Variants in ANAPC2 observed in about 807,000 individuals in gnomAD.
ANAPC2 encodes the protein anaphase promoting complex subunit 2, also known as anaphase-promoting complex subunit 2.
A neutral mutation model predicts 84.3 loss-of-function variants in ANAPC2; 29 were observed. That is an observed-to-expected ratio of 0.34 (90% CI 0.26 to 0.47). ANAPC2 has a LOEUF of 0.47. Ranked by LOEUF, ANAPC2 falls within the 20% of genes least tolerant of loss-of-function variation. ANAPC2 has a pLI of 1.00. For synonymous variants in ANAPC2, 571 were observed against 479.4 expected (o/e 1.19, Z -2.50); for missense variants, 857 against 1,131.7 (o/e 0.76, Z 3.48).
At position 137,183,311 on chromosome 9, in the gene ANAPC2, A is replaced by G. The variant is rs1044709348; in HGVS notation, c.1169-69T>C. ...CACAGCCTCCCAGGGGCAACACCCG[A>G]GTAGACAGCTGGCCATGCCGGTAGG... On this transcript the variant is annotated intron_variant, in intron 5 of 12. Transcript: ENST00000323927. The G allele has an allele frequency of 6.9e-6, 9 of 1,312,652 alleles. No homozygotes were observed. The Admixed American group carries it at 8.7e-5, about 13-fold the overall frequency. The allele number at this position is 1,312,652 out of a possible 1,614,324, so 81.3% of individuals were successfully genotyped here. A position where few individuals can be genotyped will look rare whatever the true frequency, so the allele number is the denominator to read the frequency against.
At chr9:137,185,750 G>A (rs563301683) in intron 3 of ANAPC2, among the ~76,000 whole-genome samples, 1 of 152,302 alleles carries the variant, frequency 6.6e-6, no homozygotes, top group East Asian at 1.9e-4. Flanking sequence ...GGAGCCCAGA[G>A]CAGAGCCCCA....
chr9:137,184,944 C>T lies in ANAPC2; in HGVS notation c.1017G>A (p.Leu339=). ...QRFFYRIYAS[L]RIEELFSIVR... ...CGATGCTGAAGAGCTCCTCGATGCG[C>T]AGGCTGGCGTAGATGCGGTAGAAGA... Residue 339 remains leucine (L), a synonymous_variant, in exon 4 of 13, where the codon CTG becomes CTA. Transcript: ENST00000323927. The T allele has an allele frequency of 6.2e-7, 1 of 1,612,740 alleles. No individual in the cohort carries two copies. Among genetic ancestry groups the T allele is most frequent in the South Asian group, 1.1e-5 (1 of 91,028 alleles).
intron 6 of ANAPC2, among the ~76,000 whole-genome samples, 198 bp from the exon 7 acceptor site, chr9:137,182,060 G>A (rs1156517278): frequency 6.6e-6 from 1 of 152,224 alleles, no homozygotes; most frequent in Non-Finnish European, 1.5e-5. Context: ...GGGAGCAGCA[G>A]GAGCTGCGAG....
intron 2 of ANAPC2, 134 bp downstream of exon 2, chr9:137,187,347 C>T: frequency 8.4e-7 from 1 of 1,188,830 alleles, no homozygotes; most frequent in Non-Finnish European, 1.2e-6. Flanking sequence ...CACAGGAATC[C>T]CTGGGACTCT....
intron 1 of ANAPC2, 26 bp from the exon 2 acceptor site, chr9:137,188,129 A>G (rs1277537196): frequency 1.2e-6 from 2 of 1,600,968 alleles, no homozygotes; most frequent in Admixed American, 1.7e-5. Context: ...CCGTGAGGCG[A>G]GGGGAACACA....
intron 1 of ANAPC2, 33 bp downstream of exon 1, chr9:137,188,383 G>C: frequency 1.3e-6 from 2 of 1,587,632 alleles, no homozygotes; most frequent in Non-Finnish European, 1.7e-6. Context: ...CGGAAACTCC[G>C]CGCGGGGCCG....
intron 6 of ANAPC2, 68 bp downstream of exon 6, chr9:137,183,057 C>G (rs1318510844): frequency 3.7e-6 from 5 of 1,354,430 alleles, no homozygotes; most frequent in Admixed American, 1.8e-5. Context: ...GGCTGCCCCC[C>G]AGGACCACGA....
chr9:137,178,104 G>A (rs371425730), intron 10 of ANAPC2, among the ~76,000 whole-genome samples: 76 of 152,356 alleles, frequency 5.0e-4, no homozygotes, highest in South Asian at 2.9e-3. Context: ...GTCCTTCCAG[G>A]ATCCGGCAGC....
At position 137,175,267 on chromosome 9, in the gene ANAPC2, G is replaced by C. The variant is rs998998041; in HGVS notation, c.2226C>G (p.Ser742=). The C allele has an allele frequency of 6.2e-7, 1 of 1,612,472 alleles. No homozygotes were observed. Among genetic ancestry groups the C allele is most frequent in the Non-Finnish European group, 8.5e-7 (1 of 1,179,840 alleles). ...SDDESDSGMA[S]QADQKEEELL... is the part of the protein sequence containing the mutation. ...GCTCCTCCTCCTTCTGGTCGGCCTG[G>C]GAGGCCATGCCGGAGTCGCTCTCGT... Residue 742 remains serine, a synonymous_variant, in exon 12 of 13, where the codon TCC becomes TCG. Coordinates refer to ENST00000323927, the MANE Select transcript of ANAPC2 (RefSeq NM_013366.4).
chr9:137,175,082 G>A lies in ANAPC2; in HGVS notation c.2329C>T (p.Leu777Phe), dbSNP rs1208328876. The A allele has an allele frequency of 2.5e-6, 4 of 1,608,364 alleles. No individual in the cohort carries two copies. Among genetic ancestry groups the A allele is most frequent in the Admixed American group, 1.7e-5 (1 of 59,474 alleles). Residue 777 changes from leucine to phenylalanine, a missense_variant, in exon 13 of 13, where the codon CTC (leucine) becomes TTC (phenylalanine). By Grantham distance (22) the Leu-to-Phe change is conservative. This residue lies in a region of ANAPC2 where 425 missense variants were observed against 595.5 expected (regional missense o/e 0.71). Transcript: ENST00000323927. ...SLSLDRIYNM[L>F]RMFVVTGPAL... ...GGCCCAGTCACCACAAACATGCGGAGCATGTTGTAGATACGATCCAGTGAG... is the reference window on the plus strand; with the variant it reads ...GGCCCAGTCACCACAAACATGCGGAACATGTTGTAGATACGATCCAGTGAG...
chr9:137,181,932 G>C (rs1232108249), intron 6 of ANAPC2, 70 bp from the exon 7 acceptor site: 6 of 1,512,806 alleles, frequency 4.0e-6, no homozygotes, highest in Admixed American at 1.8e-5. Context: ...ACTCATTCCA[G>C]TCCCGGCCCC....
In ANAPC2 at chr9:137,186,365, G is replaced by A. The variant is rs745808821; in HGVS notation, c.741-9C>T. On this transcript the variant is annotated splice_polypyrimidine_tract_variant and intron_variant, in intron 2 of 12. Transcript: ENST00000323927. ...GCAGACTGAGCCTGTGTCTAGAGGA[G>A]AGCCCTGGCCATGGGGCACCCAGAG... 3.1e-6 allele frequency: 5 copies of A among 1,594,254 alleles called. No individual in the cohort carries two copies. Among genetic ancestry groups the A allele is most frequent in the African/African-American group, 2.7e-5 (2 of 74,418 alleles).
chr9:137,188,549 C>T lies in ANAPC2; in HGVS notation c.-17G>A. The T allele has an allele frequency of 1.3e-6, 2 of 1,598,894 alleles. No homozygotes were observed. The highest frequency in any genetic ancestry group is 1.7e-6 in the Non-Finnish European group (2 of 1,175,584). On this transcript the variant is annotated 5_prime_UTR_variant, in exon 1 of 13. Coordinates refer to ENST00000323927, the MANE Select transcript of ANAPC2 (RefSeq NM_013366.4). ...CGCCGCCATCTGCACCCACCGACTC[C>T]GAGATTCGCTCGGCGCGGCGCGCGG...
chr9:137,176,495 A>G (rs2131329529), intron 10 of ANAPC2: 1 of 152,460 alleles, frequency 6.6e-6, no homozygotes, highest in African/African-American at 2.4e-5. Context: ...GCCAAAACCT[A>G]ACACCAAGAA....
intron 7 of ANAPC2, 61 bp downstream of exon 7, chr9:137,181,620 C>A (rs376778830): frequency 2.5e-5 from 37 of 1,485,726 alleles, no homozygotes; most frequent in Non-Finnish European, 3.3e-5. Flanking sequence ...GAGTCCAGAG[C>A]GGACGGCCTG....
intron 10 of ANAPC2, among the ~76,000 whole-genome samples, chr9:137,178,539 G>C (rs1414994333): frequency 2.0e-5 from 3 of 152,188 alleles, no homozygotes; most frequent in African/African-American, 7.2e-5. Flanking sequence ...GAGGCAGCCA[G>C]AGGGGCAGGG....
intron 11 of ANAPC2, 99 bp downstream of exon 11, chr9:137,175,606 CTGG>C: frequency 6.7e-7 from 1 of 1,503,298 alleles, no homozygotes; most frequent in Non-Finnish European, 8.9e-7. Flanking sequence ...GTGCCGCCTG[CTGG>C]CGCAGCTGCC....
chr9:137,181,284 G>A (rs1014628772), intron 7 of ANAPC2, among the ~76,000 whole-genome samples: 1 of 152,222 alleles, frequency 6.6e-6, no homozygotes, highest in Non-Finnish European at 1.5e-5. Context: ...CAGAGCCCTC[G>A]CAGACGAGGG....
rs373177170 is a variant in ANAPC2 at position 137,175,763 on chromosome 9, C to G, written c.1965G>C (p.Leu655=). ...TMDVELADRT[L]SVAVTPVQAV... ...CCTGTACTGGGGTGACCGCCACAGA[C>G]AGCGTGCGGTCGGCCAGCTCCACGT... The change falls in exon 11 of 13, where the codon CTG becomes CTC. Residue 655 remains leucine (L), a synonymous_variant. Coordinates refer to ENST00000323927, the MANE Select transcript of ANAPC2 (RefSeq NM_013366.4). 8.3e-5 allele frequency: 134 copies of G among 1,611,974 alleles called. No homozygotes were observed. The highest frequency in any genetic ancestry group is 5.0e-4 in the Middle Eastern group (3 of 6,056).
Sources: gnomAD v4.1 joint callset for allele counts (sites outside exome capture counted in the v4.1 genomes callset) on GRCh38, gnomAD v4.1.1 for gene constraint, gnomAD v4.1.1 regional missense constraint, MANE v1.5 for transcripts, NCBI Gene and HGNC (gene_info 2026-07-23, HGNC 2026-07-21) for gene names.